NEBL: variants seen among roughly 807,000 people sequenced by gnomAD.
NEBL encodes nebulette.
A neutral mutation model predicts 140.2 loss-of-function variants in NEBL; 122 were observed. That is an observed-to-expected ratio of 0.87 (90% CI 0.75 to 1.01). The LOEUF is 1.01. Ranked by LOEUF, NEBL falls within the 50% of genes least tolerant of loss-of-function variation. The pLI is 0.00. For missense variants in NEBL, 1,365 were observed against 1,231.3 expected, an observed-to-expected ratio of 1.11 and a Z score of -1.62; for synonymous variants, 436 against 398.9, an observed-to-expected ratio of 1.09 and a Z score of -1.11.
At chr10:20,853,787 C>A (rs1159011332) in intron 9 of NEBL, among the ~76,000 whole-genome samples, 2 of 151,398 alleles carry the variant, frequency 1.3e-5, no homozygotes, top group East Asian at 3.9e-4. Context: ...GCAAAAATAC[C>A]GTTAGAGAGA....
chr10:21,233,986 G>GTATAATT (rs1842309834), intron 3 of NEBL, among the ~76,000 whole-genome samples: 1 of 142,186 alleles, frequency 7.0e-6, no homozygotes, highest in African/African-American at 2.6e-5. Context: ...TAAATTATAA[G>GTATAATT]TAGTATAATT....
intron 3 of NEBL, among the ~76,000 whole-genome samples, chr10:21,246,923 A>G (rs988028625): frequency 6.6e-6 from 1 of 152,132 alleles, no homozygotes; most frequent in Admixed American, 6.5e-5. Flanking sequence ...TGTAATTCCC[A>G]GTGTTGGGGG....
intron 2 of NEBL, among the ~76,000 whole-genome samples, chr10:21,167,993 C>T (rs1462129547): frequency 6.6e-6 from 1 of 151,844 alleles, no homozygotes; most frequent in Admixed American, 6.6e-5. Context: ...TGCACTGCTG[C>T]GTTAGGAGCA....
chr10:20,924,733 T>C (rs1269774277), intron 4 of NEBL, among the ~76,000 whole-genome samples: 2 of 152,154 alleles, frequency 1.3e-5, no homozygotes, highest in Non-Finnish European at 2.9e-5. Context: ...GGAGGCAGTT[T>C]GGTTAAGTGT....
At chr10:21,069,482 T>C (rs570180281) in intron 2 of NEBL, among the ~76,000 whole-genome samples, 42 of 152,318 alleles carry the variant, frequency 2.8e-4, no homozygotes, top group African/African-American at 9.9e-4. Context: ...CCAGGTTGGC[T>C]GTTTTGACAC....
At chr10:20,864,810 A>G (rs1228563419) in intron 7 of NEBL, among the ~76,000 whole-genome samples, 2 of 152,228 alleles carry the variant, frequency 1.3e-5, no homozygotes, top group African/African-American at 4.8e-5. Flanking sequence ...TATACCTGAA[A>G]ATACAAATGG....
At chr10:21,264,688 T>C (rs1008742278) in intron 1 of NEBL, among the ~76,000 whole-genome samples, 12 of 121,024 alleles carry the variant, frequency 9.9e-5, no homozygotes, top group Non-Finnish European at 1.8e-4. Context: ...TTTGTTCCAG[T>C]TGCTATTTAA....
At chr10:21,212,941 A>G (rs988903090) in intron 3 of NEBL, among the ~76,000 whole-genome samples, 1 of 152,040 alleles carries the variant, frequency 6.6e-6, no homozygotes, top group African/African-American at 2.4e-5. Context: ...ACAGCTCATT[A>G]AGTTCTTAGT....
chr10:20,837,527 C>T (rs1841016480), intron 13 of NEBL, among the ~76,000 whole-genome samples: 2 of 152,168 alleles, frequency 1.3e-5, no homozygotes, highest in Admixed American at 1.3e-4. Flanking sequence ...TATGAAAGTG[C>T]AAGGTGAAGC....
At chr10:21,046,086 C>A (rs1442410739) in intron 2 of NEBL, among the ~76,000 whole-genome samples, 1 of 152,074 alleles carries the variant, frequency 6.6e-6, no homozygotes, top group Non-Finnish European at 1.5e-5. Context: ...TTTGTGACAA[C>A]ATGGATAAAA....
In NEBL at chr10:21,283,135, CAAA is replaced by C. The variant is rs35005779; in HGVS notation, n.182+9692_182+9694del. ...TGGGCGACAGGGCAAGACTGTGTCT[CAAA>C]AAAAAAAAAAAAAAAAATTGCGGTA... On this transcript the variant is annotated intron_variant and non_coding_transcript_variant, in intron 1 of 8. Coordinates refer to the NEBL transcript ENST00000675702. Among the ~76,000 whole-genome samples the C allele has an allele frequency of 6.7e-3, 811 of 121,416 alleles. 5 individuals carry two copies. The highest frequency in any genetic ancestry group is 0.019 in the African/African-American group (578 of 30,832). The allele number at this position is 121,416 out of a possible 152,430, so 79.7% of individuals were successfully genotyped here.
chr10:21,052,356 GC>G (rs1360825509), intron 2 of NEBL, among the ~76,000 whole-genome samples: 1 of 152,188 alleles, frequency 6.6e-6, no homozygotes, highest in Non-Finnish European at 1.5e-5. Context: ...AAGAAGCTAA[GC>G]TTTCCACCTC....
At chr10:21,291,621 A>C (rs1843144930) in intron 1 of NEBL, among the ~76,000 whole-genome samples, 2 of 151,960 alleles carry the variant, frequency 1.3e-5, no homozygotes, top group Non-Finnish European at 2.9e-5. Context: ...CAATTATGAA[A>C]AATAAAAACC....
chr10:21,160,794 A>G (rs887204096), intron 2 of NEBL, among the ~76,000 whole-genome samples: 3 of 152,136 alleles, frequency 2.0e-5, no homozygotes, highest in East Asian at 3.9e-4. Context: ...TTTATTCATC[A>G]GGAATTGACC....
At chr10:21,093,165 T>TTCC (rs1554824236) in intron 2 of NEBL, among the ~76,000 whole-genome samples, 10 of 148,020 alleles carry the variant, frequency 6.8e-5, no homozygotes, top group African/African-American at 2.5e-4. Flanking sequence ...TTTTTTTTTT[T>TTCC]CCATTTTAGC....
chr10:20,971,261 G>T (rs1202558430), intron 3 of NEBL, among the ~76,000 whole-genome samples: 1 of 152,074 alleles, frequency 6.6e-6, no homozygotes, highest in Non-Finnish European at 1.5e-5. Flanking sequence ...GAAAATTGAA[G>T]CCTAAAATAT....
chr10:21,213,437 C>G (rs1378901798), intron 3 of NEBL, among the ~76,000 whole-genome samples: 1 of 152,198 alleles, frequency 6.6e-6, no homozygotes, highest in Non-Finnish European at 1.5e-5. Context: ...AAGCTTCAGT[C>G]TAAAGAACAG....
intron 2 of NEBL, among the ~76,000 whole-genome samples, chr10:21,046,894 G>T: frequency 6.6e-6 from 1 of 152,090 alleles, no homozygotes; most frequent in East Asian, 1.9e-4. Flanking sequence ...GAGCCACCGC[G>T]CCCGGCCCCT....
Position 21,166,936 on chromosome 10 carries a change from C to A in NEBL, c.164+5447G>T, listed in dbSNP as rs113459292. Among the ~76,000 whole-genome samples the A allele has an allele frequency of 2.2e-3, 336 of 152,336 alleles. 1 individual carries two copies. The highest frequency in any genetic ancestry group is 7.5e-3 in the African/African-American group (311 of 41,576). On this transcript the variant is annotated intron_variant, in intron 2 of 6. Transcript: ENST00000417816. ...ATAAGGAAAATAGATGGTGGGAATA[C>A]TCTCAGGTTTCAATTTAATTTCCTT...
Sources: gnomAD v4.1 joint callset for allele counts (sites outside exome capture counted in the v4.1 genomes callset) on GRCh38, gnomAD v4.1.1 for gene constraint, MANE v1.5 for transcripts, NCBI Gene and HGNC (gene_info 2026-07-23, HGNC 2026-07-21) for gene names.